SMPDL3A: variants seen among roughly 807,000 people sequenced by gnomAD.
SMPDL3A encodes sphingomyelin phosphodiesterase acid like 3A.
A neutral mutation model predicts 38.5 loss-of-function variants in SMPDL3A; 39 were observed. The observed-to-expected ratio is 1.01, with a 90% CI of 0.78 to 1.32. The LOEUF (loss-of-function observed/expected upper bound fraction) is 1.32, where lower values mean the gene tolerates loss of function less well. SMPDL3A is among the 40% of genes most tolerant of loss of function. SMPDL3A has a pLI of 0.00. For synonymous variants in SMPDL3A, 180 were observed against 194.3 expected (o/e 0.93, Z 0.61); for missense variants, 502 against 536.2 (o/e 0.94, Z 0.63).
chr6:122,800,505 A>C (rs1022218410), intron 3 of SMPDL3A, among the ~76,000 whole-genome samples: 1 of 152,192 alleles, frequency 6.6e-6, no homozygotes, highest in African/African-American at 2.4e-5. Flanking sequence ...TTTAATGAGC[A>C]CACTCCCACA....
At chr6:122,806,503 C>G (rs1389335090) in intron 7 of SMPDL3A, 146 bp downstream of exon 7, 2 of 821,828 alleles carry the variant, frequency 2.4e-6, no homozygotes, top group Non-Finnish European at 1.9e-6. Flanking sequence ...TTTATACTTG[C>G]AATGTTATCA....
intron 2 of SMPDL3A, 120 bp from the exon 3 acceptor site, chr6:122,796,704 C>A: frequency 1.5e-6 from 1 of 646,390 alleles, no homozygotes; most frequent in Non-Finnish European, 2.5e-6. Flanking sequence ...AACTCTTTAG[C>A]TGTAATCTGC....
chr6:122,803,918 C>A, intron 5 of SMPDL3A, 85 bp downstream of exon 5: 3 of 1,023,994 alleles, frequency 2.9e-6, no homozygotes, highest in East Asian at 2.5e-5. Context: ...ACTCCAGTAT[C>A]AATAAAAGTA....
Position 122,805,000 on chromosome 6 carries a change from A to G in SMPDL3A, c.830A>G (p.Asp277Gly). 3.7e-6 allele frequency: 6 copies of G among 1,613,432 alleles called. No homozygotes were observed. Among genetic ancestry groups the G allele is most frequent in the Non-Finnish European group, 5.1e-6 (6 of 1,179,680 alleles). ...MREYYNEKLI[D>G]IFQKYSDVIA... The stretch of plus-strand genomic sequence containing the variant: ...GAATACTATAATGAGAAATTGATAG[A>G]TATTTTTCAAAAATACAGTGATGTC... The change falls in exon 6 of 8, where the codon GAT becomes GGT. Residue 277 changes from aspartate (D) to glycine (G), a missense_variant. Transcript: ENST00000368440.
At chr6:122,800,245 A>C (rs937381804) in intron 3 of SMPDL3A, among the ~76,000 whole-genome samples, 3 of 152,194 alleles carry the variant, frequency 2.0e-5, no homozygotes, top group Non-Finnish European at 4.4e-5. Context: ...ATGATAATAA[A>C]AATGTTTTGT....
chr6:122,793,588 A>T (rs1781146570), intron 1 of SMPDL3A, among the ~76,000 whole-genome samples: 1 of 152,196 alleles, frequency 6.6e-6, no homozygotes, highest in Non-Finnish European at 1.5e-5. Context: ...TATTTTCTGC[A>T]TTATGGAATA....
At chr6:122,792,632 C>T (rs1221721066) in intron 1 of SMPDL3A, among the ~76,000 whole-genome samples, 11 of 147,354 alleles carry the variant, frequency 7.5e-5, no homozygotes, top group African/African-American at 2.7e-4. Context: ...CTTTCTTCTT[C>T]TTCCCCTTTT....
Position 122,808,992 on chromosome 6 carries a change from C to A in SMPDL3A, c.1045-99C>A, listed in dbSNP as rs924103030. 4.5e-5 allele frequency: 44 copies of A among 977,050 alleles called. No individual in the cohort carries two copies. In the Middle Eastern group the frequency reaches 8.6e-4, roughly 19 times the overall value. 60.5% of individuals were successfully genotyped at this position (977,050 alleles called of 1,614,324 possible). A position where few individuals can be genotyped will look rare whatever the true frequency, so the allele number is the denominator to read the frequency against. On this transcript the variant is annotated intron_variant, in intron 7 of 7. Transcript: ENST00000368440. ...TACAGGCGTGAGCCACAGCGCCAAG[C>A]CTAAAATGTCACAGAAATTTAAACA...
Position 122,796,965 on chromosome 6 carries a change from A to G in SMPDL3A, c.468A>G (p.Pro156=), listed in dbSNP as rs1781270391. The G allele has an allele frequency of 6.2e-7, 1 of 1,609,462 alleles. No homozygotes were observed. The highest frequency in any genetic ancestry group is 1.1e-5 in the South Asian group (1 of 89,794). Residue 156 remains proline, a synonymous_variant, in exon 3 of 8, where the codon CCA becomes CCG. Transcript: ENST00000368440. The part of the protein sequence containing the change: ...FPALGNHDYW[P]QDQLPVVTSK... Reference sequence around the variant, plus strand: ...CGCTGGGTAATCATGACTATTGGCCACAGGTAAATTTGATAGACTTTCAGA... The same window carrying G: ...CGCTGGGTAATCATGACTATTGGCCGCAGGTAAATTTGATAGACTTTCAGA...
chr6:122,799,542 C>T (rs1177938507), intron 3 of SMPDL3A, among the ~76,000 whole-genome samples: 1 of 152,172 alleles, frequency 6.6e-6, no homozygotes, highest in Admixed American at 6.5e-5. Flanking sequence ...AAATAAATGG[C>T]CAAGACTTTA....
At chr6:122,805,190 T>G in intron 6 of SMPDL3A, 101 bp downstream of exon 6, 1 of 1,012,232 alleles carries the variant, frequency 9.9e-7, no homozygotes. Flanking sequence ...ACGTTTTATT[T>G]AAAAATCTGC....
At chr6:122,793,099 A>G (rs762477492) in intron 1 of SMPDL3A, among the ~76,000 whole-genome samples, 1 of 152,222 alleles carries the variant, frequency 6.6e-6, no homozygotes, top group African/African-American at 2.4e-5. Flanking sequence ...AAAATGGAGT[A>G]TACATAATAA....
chr6:122,800,464 T>G (rs1266910050), intron 3 of SMPDL3A, among the ~76,000 whole-genome samples: 1 of 152,204 alleles, frequency 6.6e-6, no homozygotes, highest in Non-Finnish European at 1.5e-5. Flanking sequence ...GGGCAGTGCA[T>G]GTGCAGGCTC....
chr6:122,802,017 G>A (rs909591779), intron 4 of SMPDL3A, among the ~76,000 whole-genome samples: 2 of 152,112 alleles, frequency 1.3e-5, no homozygotes, highest in South Asian at 4.2e-4. Flanking sequence ...TTAAGTTAAT[G>A]GCTAGACTTC....
intron 1 of SMPDL3A, 33 bp downstream of exon 1, chr6:122,789,491 G>C (rs759576934): frequency 9.2e-6 from 14 of 1,514,392 alleles, no homozygotes; most frequent in African/African-American, 2.8e-5. Context: ...CTTCCCAGCC[G>C]GCAAAGAGCG....
chr6:122,789,487 A>G (rs904416464), intron 1 of SMPDL3A, 29 bp downstream of exon 1: 1 of 1,520,568 alleles, frequency 6.6e-7, no homozygotes, highest in Non-Finnish European at 8.9e-7. Context: ...TTCTCTTCCC[A>G]GCCGGCAAAG....
At chr6:122,808,601 C>CCCTTCCTCCCTT (rs1446631711) in intron 7 of SMPDL3A, among the ~76,000 whole-genome samples, 1 of 53,114 alleles carries the variant, frequency 1.9e-5, no homozygotes, top group African/African-American at 6.3e-5. Flanking sequence ...CTTCCTCCCT[C>CCCTTCCTCCCTT]CCTCCCTCCC....
chr6:122,808,609 C>CCCTTCCTTCCTT (rs1194682012), intron 7 of SMPDL3A, among the ~76,000 whole-genome samples: 3 of 44,370 alleles, frequency 6.8e-5, no homozygotes, highest in South Asian at 1.7e-3. Flanking sequence ...CTCCCTCCCT[C>CCCTTCCTTCCTT]CCTTCCTTCC....
chr6:122,801,241 A>G lies in SMPDL3A; in HGVS notation c.472-69A>G, dbSNP rs937931356. 4 of 1,066,656 alleles carry G rather than the reference A, an allele frequency of 3.8e-6. No individual in the cohort carries two copies. The African/African-American group carries it at 6.2e-5, about 17-fold the overall frequency. The allele number at this position is 1,066,656 out of a possible 1,614,324, so 66.1% of individuals were successfully genotyped here. On this transcript the variant is annotated intron_variant, in intron 3 of 7. Coordinates refer to ENST00000368440, the MANE Select transcript of SMPDL3A (RefSeq NM_006714.5). ...TGCCTAACGTAGTAGTCAGTGCTCA[A>G]GTAGTGTTTACATTAATTCAGCTGT...
Sources: gnomAD v4.1 joint callset for allele counts (sites outside exome capture counted in the v4.1 genomes callset) on GRCh38, gnomAD v4.1.1 for gene constraint, MANE v1.5 for transcripts, NCBI Gene and HGNC (gene_info 2026-07-23, HGNC 2026-07-21) for gene names.